Variants in DLG2 observed in about 807,000 individuals in gnomAD.
DLG2 encodes disks large homolog 2.
In DLG2, 45 loss-of-function variants were observed where a neutral mutation model predicts 132.5. The ratio of observed to expected loss-of-function variants is 0.34; its 90% CI spans 0.27 to 0.44. The LOEUF (loss-of-function observed/expected upper bound fraction) is 0.44. DLG2 is among the 20% of genes least tolerant of loss of function. The pLI is 1.00. For synonymous variants in DLG2, 424 were observed against 419.6 expected (o/e 1.01, Z -0.13); for missense variants, 1,045 against 1,196.9 (o/e 0.87, Z 1.87).
chr11:84,560,049 G>C (rs977912570), intron 6 of DLG2, among the ~76,000 whole-genome samples: 1 of 151,984 alleles, frequency 6.6e-6, no homozygotes, highest in African/African-American at 2.4e-5. Context: ...TGTACTTGTT[G>C]GGAAATCACA....
At chr11:84,336,595 C>A (rs1414619944) in intron 7 of DLG2, among the ~76,000 whole-genome samples, 2 of 152,170 alleles carry the variant, frequency 1.3e-5, no homozygotes, top group Non-Finnish European at 2.9e-5. Context: ...CTATGTTTGA[C>A]CCATTTTCTT....
chr11:83,987,942 G>T (rs1487733580), intron 11 of DLG2, among the ~76,000 whole-genome samples: 1 of 152,056 alleles, frequency 6.6e-6, no homozygotes, highest in Non-Finnish European at 1.5e-5. Context: ...CTTCTTTTGA[G>T]AAGTGTGTTT....
At chr11:83,616,934 G>A in intron 19 of DLG2, among the ~76,000 whole-genome samples, 1 of 152,012 alleles carries the variant, frequency 6.6e-6, no homozygotes, top group East Asian at 1.9e-4. Flanking sequence ...TTTTACTTTT[G>A]TCATAAAATC....
At chr11:85,016,155 T>C (rs1346379311) in intron 6 of DLG2, among the ~76,000 whole-genome samples, 1 of 152,154 alleles carries the variant, frequency 6.6e-6, no homozygotes, top group Non-Finnish European at 1.5e-5. Context: ...TCATTGATGT[T>C]TTAATAATCA....
intron 11 of DLG2, among the ~76,000 whole-genome samples, chr11:84,035,333 C>T (rs556992083): frequency 1.3e-5 from 2 of 152,236 alleles, no homozygotes; most frequent in East Asian, 3.9e-4. Flanking sequence ...AAGTTTTCTA[C>T]CCTCCTAGAG....
intron 6 of DLG2, among the ~76,000 whole-genome samples, chr11:84,584,906 T>C (rs1445770860): frequency 1.3e-5 from 2 of 151,568 alleles, no homozygotes; most frequent in African/African-American, 4.8e-5. Flanking sequence ...GTCGGGATGG[T>C]CTCGATCTCC....
At chr11:85,127,508 A>G (rs2152393933) in intron 5 of DLG2, among the ~76,000 whole-genome samples, 2 of 152,160 alleles carry the variant, frequency 1.3e-5, no homozygotes, top group Middle Eastern at 3.4e-3. Flanking sequence ...TATTTCTGTA[A>G]TTGGTTGTTT....
intron 6 of DLG2, among the ~76,000 whole-genome samples, chr11:84,582,704 C>T (rs2099519593): frequency 6.6e-6 from 1 of 151,930 alleles, no homozygotes; most frequent in Admixed American, 6.6e-5. Context: ...TGAATCACAG[C>T]AGCAAAAAAC....
At chr11:84,269,850 A>G (rs1304628798) in intron 7 of DLG2, among the ~76,000 whole-genome samples, 1 of 152,174 alleles carries the variant, frequency 6.6e-6, no homozygotes, top group Non-Finnish European at 1.5e-5. Flanking sequence ...AGGAAAACCA[A>G]ATTTGTACAT....
intron 11 of DLG2, among the ~76,000 whole-genome samples, chr11:84,035,872 G>T (rs190858323): frequency 1.3e-5 from 2 of 152,154 alleles, no homozygotes; most frequent in Admixed American, 6.6e-5. Flanking sequence ...AAATGAACTG[G>T]ATGTGAGTGT....
At chr11:83,533,082 A>G (rs1031210941) in intron 20 of DLG2, among the ~76,000 whole-genome samples, 2 of 152,158 alleles carry the variant, frequency 1.3e-5, no homozygotes, top group Non-Finnish European at 2.9e-5. Context: ...TTAAATCAAA[A>G]TCTATTTCAA....
chr11:84,860,973 C>T (rs962958322), intron 6 of DLG2, among the ~76,000 whole-genome samples: 14 of 151,764 alleles, frequency 9.2e-5, no homozygotes, highest in Admixed American at 9.2e-4. Flanking sequence ...ATTTACTGAA[C>T]ATCTACTATG....
In DLG2 at chr11:84,663,279, G is replaced by C. The variant is rs368564533; in HGVS notation, c.358-128548C>G. Among the ~76,000 whole-genome samples, 60 of 148,968 alleles carry C rather than the reference G, an allele frequency of 4.0e-4. 1 individual carries two copies. The South Asian group carries it at 0.012, about 30-fold the overall frequency. On this transcript the variant is annotated intron_variant, in intron 6 of 27. Coordinates refer to ENST00000376104, the MANE Select transcript of DLG2 (RefSeq NM_001142699.3). ...TTTTTCATATATTCTGCATGGTCTA[G>C]CAATGTTGTGAGATAGACTCTTGGC...
At chr11:85,579,982 G>A (rs1590971949) in intron 3 of DLG2, among the ~76,000 whole-genome samples, 1 of 152,106 alleles carries the variant, frequency 6.6e-6, no homozygotes, top group South Asian at 2.1e-4. Context: ...ACATGTTGTG[G>A]GAGGGACCCA....
intron 2 of DLG2, among the ~76,000 whole-genome samples, chr11:85,618,672 A>G (rs1014172158): frequency 1.3e-5 from 2 of 152,196 alleles, no homozygotes; most frequent in African/African-American, 4.8e-5. Flanking sequence ...AGGTGACAGA[A>G]TCATTCATAT....
chr11:84,373,895 G>A (rs934034734), intron 7 of DLG2, among the ~76,000 whole-genome samples: 1 of 152,074 alleles, frequency 6.6e-6, no homozygotes. Flanking sequence ...TCACAAAATA[G>A]ATCTAAAATA....
At chr11:85,399,767 T>C (rs970622381) in intron 3 of DLG2, among the ~76,000 whole-genome samples, 9 of 152,102 alleles carry the variant, frequency 5.9e-5, no homozygotes, top group African/African-American at 1.9e-4. Flanking sequence ...TTACACCTTA[T>C]ACAAAAATTA....
At chr11:84,367,666 A>G (rs750253501) in intron 7 of DLG2, among the ~76,000 whole-genome samples, 1 of 152,062 alleles carries the variant, frequency 6.6e-6, no homozygotes, top group Non-Finnish European at 1.5e-5. Flanking sequence ...GAGTCTGTTA[A>G]AAAAGTGAGT....
chr11:85,468,934 A>C (rs1408432242), intron 3 of DLG2, among the ~76,000 whole-genome samples: 1 of 152,178 alleles, frequency 6.6e-6, no homozygotes, highest in African/African-American at 2.4e-5. Flanking sequence ...CTGGGATTAC[A>C]AGCATGAGCC....
Sources: gnomAD v4.1 joint callset for allele counts (sites outside exome capture counted in the v4.1 genomes callset) on GRCh38, gnomAD v4.1.1 for gene constraint, MANE v1.5 for transcripts, NCBI Gene and HGNC (gene_info 2026-07-23, HGNC 2026-07-21) for gene names.